The following GSE1 variants were observed in gnomAD, a reference collection of about 807,000 sequenced individuals.
GSE1 encodes the protein genetic suppressor element 1.
GSE1 carries 32 observed loss-of-function variants against 112.6 expected under a neutral mutation model. The observed-to-expected ratio is 0.28, with a 90% CI of 0.21 to 0.38. The LOEUF (loss-of-function observed/expected upper bound fraction) is 0.38, where lower values mean the gene tolerates loss of function less well. Ranked by LOEUF, GSE1 falls within the 10% of genes least tolerant of loss-of-function variation. The pLI is 1.00. For synonymous variants in GSE1, 1,115 were observed against 735.6 expected (o/e 1.52, Z -8.35); for missense variants, 2,348 against 1,699.2 (o/e 1.38, Z -6.71).
In GSE1 at chr16:85,654,787, C is replaced by T. The variant is rs983991583; in HGVS notation, c.600-7C>T. ...GTCCCCACCTTGCCCACTATCCCCG[C>T]CTGCAGCCTCCAGCGGCCCGTGCAC... is the stretch of plus-strand genomic sequence containing the variant. On this transcript the variant is annotated splice_polypyrimidine_tract_variant and splice_region_variant and intron_variant, in intron 4 of 15. Coordinates refer to ENST00000253458, the MANE Select transcript of GSE1 (RefSeq NM_014615.5). The T allele has an allele frequency of 2.5e-6, 4 of 1,603,428 alleles. No individual in the cohort carries two copies. In the Admixed American group the frequency reaches 6.7e-5, roughly 27 times the overall value.
At chr16:85,634,197 C>G (rs1290308416) in intron 2 of GSE1, 65 bp downstream of exon 2, 1 of 1,147,086 alleles carries the variant, frequency 8.7e-7, no homozygotes, top group African/African-American at 1.7e-5. Flanking sequence ...ACTCAGCCTC[C>G]CGCCTGCGGC....
intron 2 of GSE1, among the ~76,000 whole-genome samples, chr16:85,640,899 C>T (rs1041997617): frequency 6.6e-6 from 1 of 151,908 alleles, no homozygotes; most frequent in Admixed American, 6.5e-5. Flanking sequence ...TTCTCCTGGC[C>T]CGGGGGCCAG....
At chr16:85,245,972 G>T (rs79601098) in intron 1 of GSE1, among the ~76,000 whole-genome samples, 5,282 of 151,144 alleles carry the variant, frequency 0.035, 122 homozygotes, top group East Asian at 0.13. Flanking sequence ...GTGTGTGGGG[G>T]GCTGTCTGGG....
intron 1 of GSE1, among the ~76,000 whole-genome samples, chr16:85,196,175 G>A (rs140667323): frequency 2.6e-5 from 4 of 152,218 alleles, no homozygotes; most frequent in East Asian, 1.9e-4. Context: ...TTTGGACTTG[G>A]GGGTTGTGGG....
intron 1 of GSE1, among the ~76,000 whole-genome samples, chr16:85,267,224 G>A (rs1165736076): frequency 6.6e-6 from 1 of 152,154 alleles, no homozygotes; most frequent in Admixed American, 6.5e-5. Flanking sequence ...CCACATCCTC[G>A]GCCCCCTCCC....
At chr16:85,472,476 G>A (rs2050325562) in intron 2 of GSE1, among the ~76,000 whole-genome samples, 1 of 152,224 alleles carries the variant, frequency 6.6e-6, no homozygotes, top group African/African-American at 2.4e-5. Context: ...TTCTCAGAAG[G>A]ACAGCTCATT....
At chr16:85,206,293 G>C (rs1434339496) in intron 1 of GSE1, among the ~76,000 whole-genome samples, 1 of 152,092 alleles carries the variant, frequency 6.6e-6, no homozygotes, top group Non-Finnish European at 1.5e-5. Context: ...CCTTCTTGGA[G>C]ACCCAGGCCA....
At chr16:85,469,430 C>T (rs971533760) in intron 2 of GSE1, among the ~76,000 whole-genome samples, 2 of 152,126 alleles carry the variant, frequency 1.3e-5, no homozygotes, top group Non-Finnish European at 2.9e-5. Context: ...CAGGAAGGAC[C>T]CTCCTGAAGA....
At chr16:85,220,633 GCTGCTGC>G (rs1567618433) in intron 1 of GSE1, among the ~76,000 whole-genome samples, 11 of 152,210 alleles carry the variant, frequency 7.2e-5, no homozygotes, top group African/African-American at 2.6e-4. Flanking sequence ...GCTGCTGCCC[GCTGCTGC>G]CCGCTTGCCC....
chr16:85,557,629 C>G (rs1274363628), intron 1 of GSE1, among the ~76,000 whole-genome samples: 1 of 150,990 alleles, frequency 6.6e-6, no homozygotes, highest in African/African-American at 2.4e-5. Context: ...CCACACCTCT[C>G]TGGAGTCCCC....
At chr16:85,358,282 G>C (rs1183294281) in intron 2 of GSE1, among the ~76,000 whole-genome samples, 1 of 152,230 alleles carries the variant, frequency 6.6e-6, no homozygotes, top group South Asian at 2.1e-4. Flanking sequence ...CTGGGCCTTG[G>C]GGCCTGGGCC....
chr16:85,528,179 G>C (rs563692569), intron 2 of GSE1, among the ~76,000 whole-genome samples: 3 of 152,248 alleles, frequency 2.0e-5, no homozygotes, highest in Non-Finnish European at 4.4e-5. Context: ...CCCGTGAAGC[G>C]TGCAGTGCAA....
At chr16:85,389,815 C>A (rs1357989308) in intron 2 of GSE1, among the ~76,000 whole-genome samples, 1 of 152,194 alleles carries the variant, frequency 6.6e-6, no homozygotes, top group East Asian at 1.9e-4. Flanking sequence ...AGTATTGCCC[C>A]CATTTAATAG....
intron 2 of GSE1, among the ~76,000 whole-genome samples, chr16:85,465,884 C>T (rs1367906620): frequency 3.9e-5 from 6 of 152,208 alleles, no homozygotes; most frequent in Non-Finnish European, 8.8e-5. Context: ...TCTTGCCAGA[C>T]CAATGAGTGG....
intron 1 of GSE1, chr16:85,207,662 C>T (rs780384089): frequency 3.9e-5 from 6 of 152,236 alleles, no homozygotes; most frequent in East Asian, 1.9e-4. Context: ...CCGGCTCTGC[C>T]GTTGACCAGC....
intron 1 of GSE1, among the ~76,000 whole-genome samples, chr16:85,291,843 ACACTCGTC>A (rs2045223664): frequency 6.6e-6 from 1 of 152,042 alleles, no homozygotes; most frequent in Admixed American, 6.5e-5. Context: ...CCAGCACAAA[ACACTCGTC>A]CCTCTCACCA....
chr16:85,197,814 C>A (rs142728270), intron 1 of GSE1, among the ~76,000 whole-genome samples: 3 of 152,140 alleles, frequency 2.0e-5, no homozygotes, highest in Non-Finnish European at 2.9e-5. Context: ...GCTGAGAATC[C>A]GAGGCCTGGA....
chr16:85,504,069 G>A (rs553415268), intron 2 of GSE1, among the ~76,000 whole-genome samples: 3 of 152,336 alleles, frequency 2.0e-5, no homozygotes, highest in East Asian at 1.9e-4. Flanking sequence ...GGTGCTGCCC[G>A]CACCTCTCTT....
chr16:85,671,910 C>G (rs932172019), intron 15 of GSE1: 2 of 160,962 alleles, frequency 1.2e-5, no homozygotes, highest in East Asian at 3.7e-4. Flanking sequence ...CTGGGGGTTC[C>G]AAGAACTCCG....
Sources: allele counts gnomAD v4.1 joint callset (sites outside exome capture counted in the v4.1 genomes callset), GRCh38; gene constraint gnomAD v4.1.1; transcripts MANE v1.5; gene names NCBI Gene and HGNC (gene_info 2026-07-23, HGNC 2026-07-21).